The following THSD7A variants were observed in gnomAD, a reference collection of about 807,000 sequenced individuals.
THSD7A encodes thrombospondin type-1 domain-containing protein 7A.
In THSD7A, 96 loss-of-function variants were observed where a neutral mutation model predicts 231.3. The observed-to-expected ratio is 0.41, with a 90% CI of 0.35 to 0.49. The LOEUF (loss-of-function observed/expected upper bound fraction) is 0.49. THSD7A is among the 20% of genes least tolerant of loss of function. The pLI is 0.05. For missense variants in THSD7A, 2,290 were observed against 2,070.2 expected (o/e 1.11, Z -2.06); for synonymous variants, 940 against 743.3 (o/e 1.26, Z -4.30).
At chr7:11,559,171 GA>G (rs199534196) in intron 4 of THSD7A, among the ~76,000 whole-genome samples, 3,005 of 152,220 alleles carry the variant, frequency 0.02, 112 homozygotes, top group African/African-American at 0.069. Flanking sequence ...CCAACACTCT[GA>G]ATGAGCAAGC....
chr7:11,428,127 T>C (rs973753944), intron 14 of THSD7A, among the ~76,000 whole-genome samples: 2 of 152,198 alleles, frequency 1.3e-5, no homozygotes, highest in Non-Finnish European at 2.9e-5. Context: ...AGTCTATGTA[T>C]GTATGAAACA....
chr7:11,415,707 T>A (rs1184728417), intron 17 of THSD7A, among the ~76,000 whole-genome samples: 1 of 152,170 alleles, frequency 6.6e-6, no homozygotes, highest in Non-Finnish European at 1.5e-5. Context: ...CTTCCCCCAT[T>A]TAAGGGAAAG....
At position 11,460,667 on chromosome 7, in the gene THSD7A, G is replaced by A; in HGVS notation, c.2600C>T (p.Ala867Val). The A allele has an allele frequency of 6.2e-7, 1 of 1,607,656 alleles. No individual in the cohort carries two copies. The highest frequency in any genetic ancestry group is 8.5e-7 in the Non-Finnish European group (1 of 1,177,050). The change falls in exon 11 of 28, where the codon GCA becomes GTA. Residue 867 changes from alanine (A) to valine (V), a missense_variant. Ala to Val is a moderately conservative substitution (Grantham distance 64). Coordinates refer to ENST00000423059, the MANE Select transcript of THSD7A (RefSeq NM_015204.3). ...AQEGCGPGRQ[A>V]RAITCRKQDG... is the part of the protein sequence containing the mutation. ...TGTGGAATGGGGCCTCCCACCTCTT[G>A]CCTGTCGCCCAGGCCCACAGCCTTC...
At chr7:11,438,817 C>A (rs906790685) in intron 13 of THSD7A, among the ~76,000 whole-genome samples, 2 of 151,924 alleles carry the variant, frequency 1.3e-5, no homozygotes, top group African/African-American at 4.8e-5. Flanking sequence ...GTGTGCCCGG[C>A]ACTTAAACAT....
chr7:11,464,783 C>A (rs39188), intron 9 of THSD7A, among the ~76,000 whole-genome samples: 99,169 of 152,010 alleles, frequency 0.65, 34,275 homozygotes, highest in African/African-American at 0.88. Flanking sequence ...CCAGAGAAGA[C>A]GTTTAATGGG....
At chr7:11,796,493 C>A (rs1784129782) in intron 1 of THSD7A, among the ~76,000 whole-genome samples, 1 of 151,668 alleles carries the variant, frequency 6.6e-6, no homozygotes, top group African/African-American at 2.4e-5. Flanking sequence ...TTTTATTTTT[C>A]TAATATTAAA....
chr7:11,504,913 T>C (rs1449348955), intron 6 of THSD7A, among the ~76,000 whole-genome samples: 1 of 152,114 alleles, frequency 6.6e-6, no homozygotes, highest in African/African-American at 2.4e-5. Context: ...TTTGGAAATA[T>C]ATTTAAGGTA....
At position 11,636,919 on chromosome 7, in the gene THSD7A, C is replaced by T; in HGVS notation, c.233G>A (p.Gly78Asp). ...ACACCACACAGCCCTCGTTTGGATG[C>T]CTCCGGGACCACATTCATCTCCCAT... ...RCMGDECGPG[G>D]IQTRAVWCAH... The change falls in exon 2 of 28, where the codon GGC (glycine) becomes GAC (aspartate). Residue 78 changes from glycine (G) to aspartate (D), a missense_variant. Gly to Asp is a moderately conservative substitution (Grantham distance 94). Transcript: ENST00000423059. The surrounding 1 kb of genome is among the most constrained non-coding windows in gnomAD (Gnocchi z 10.0). 1 of 1,612,664 alleles carries T rather than the reference C, an allele frequency of 6.2e-7. No individual in the cohort carries two copies. Among genetic ancestry groups the T allele is most frequent in the Non-Finnish European group, 8.5e-7 (1 of 1,179,712 alleles).
At chr7:11,796,775 G>A (rs917660291) in intron 1 of THSD7A, among the ~76,000 whole-genome samples, 10 of 151,816 alleles carry the variant, frequency 6.6e-5, no homozygotes, top group African/African-American at 2.2e-4. Flanking sequence ...TCTCATTAAT[G>A]TTAATGTTTT....
At chr7:11,638,786 G>A (rs905929917) in intron 1 of THSD7A, among the ~76,000 whole-genome samples, 8 of 151,972 alleles carry the variant, frequency 5.3e-5, no homozygotes, top group African/African-American at 1.7e-4. Flanking sequence ...AAGCCAGTGG[G>A]TTTGTTGCAT....
chr7:11,515,143 T>G (rs1375253195), intron 6 of THSD7A, among the ~76,000 whole-genome samples: 2 of 152,212 alleles, frequency 1.3e-5, no homozygotes, highest in African/African-American at 4.8e-5. Flanking sequence ...TTAAAATACA[T>G]GCTTTCATCT....
chr7:11,769,151 A>ATTTTTTTC (rs1422492872), intron 1 of THSD7A, among the ~76,000 whole-genome samples: 1 of 35,490 alleles, frequency 2.8e-5, no homozygotes, highest in Non-Finnish European at 6.0e-5. Context: ...ATATATATAT[A>ATTTTTTTC]TATTTTTTTT....
intron 1 of THSD7A, among the ~76,000 whole-genome samples, chr7:11,767,892 TA>T (rs1783081929): frequency 6.6e-6 from 1 of 152,272 alleles, no homozygotes; most frequent in East Asian, 1.9e-4. Context: ...ATTCAAGGAA[TA>T]AGGACTTAGA....
Position 11,636,564 on chromosome 7 carries a change from G to A in THSD7A, c.588C>T (p.Ile196=), listed in dbSNP as rs776138415. The A allele has an allele frequency of 7.4e-6, 12 of 1,613,852 alleles. No individual in the cohort carries two copies. The Admixed American group carries it at 1.7e-4, about 22-fold the overall frequency. ...CGGACCAGGCAGAAAATTCAGACACGATGCAATCTTGCTGGCAAGGAATGA... is the reference window on the plus strand; with the variant it reads ...CGGACCAGGCAGAAAATTCAGACACAATGCAATCTTGCTGGCAAGGAATGA... ...ACLIPCQQDC[I]VSEFSAWSEC... is the part of the protein sequence containing the mutation. Residue 196 remains isoleucine, a synonymous_variant, in exon 2 of 28, where the codon ATC becomes ATT. Coordinates refer to ENST00000423059, the MANE Select transcript of THSD7A (RefSeq NM_015204.3). This position sits in a 1 kb window ranked among gnomAD's most constrained non-coding sequence, Gnocchi z 10.0.
At chr7:11,755,543 A>G (rs1253788386) in intron 1 of THSD7A, among the ~76,000 whole-genome samples, 1 of 152,028 alleles carries the variant, frequency 6.6e-6, no homozygotes, top group Non-Finnish European at 1.5e-5. Context: ...TCTGTCACCT[A>G]TGATAGAGAT....
chr7:11,505,521 T>C (rs191945713), intron 6 of THSD7A, among the ~76,000 whole-genome samples: 94 of 152,084 alleles, frequency 6.2e-4, no homozygotes, highest in African/African-American at 2.2e-3. Flanking sequence ...CATACTTGAA[T>C]TGGGAATAGA....
chr7:11,723,689 G>A (rs1314105866), intron 1 of THSD7A, among the ~76,000 whole-genome samples: 9 of 151,778 alleles, frequency 5.9e-5, no homozygotes, highest in Non-Finnish European at 1.3e-4. Flanking sequence ...CAGGAGGCTA[G>A]CCACTTATCT....
intron 19 of THSD7A, among the ~76,000 whole-genome samples, chr7:11,408,500 A>G (rs1783665096): frequency 7.7e-6 from 1 of 130,118 alleles, no homozygotes; most frequent in African/African-American, 3.1e-5. Context: ...TCTGTCTCCA[A>G]AATAAAAAAA....
intron 1 of THSD7A, among the ~76,000 whole-genome samples, chr7:11,712,789 A>C (rs1781010082): frequency 6.6e-6 from 1 of 151,120 alleles, no homozygotes; most frequent in South Asian, 2.1e-4. Context: ...TTATTTTAGT[A>C]ATGAAACTGT....
Sources: gnomAD v4.1 joint callset for allele counts (sites outside exome capture counted in the v4.1 genomes callset) on GRCh38, gnomAD v4.1.1 for gene constraint, Gnocchi (gnomAD v3.1) non-coding constraint, MANE v1.5 for transcripts, NCBI Gene and HGNC (gene_info 2026-07-23, HGNC 2026-07-21) for gene names.